The following CROT variants were observed in gnomAD, a reference collection of about 807,000 sequenced individuals.
The protein encoded by CROT is carnitine O-octanoyltransferase.
A neutral mutation model predicts 89.2 loss-of-function variants in CROT; 84 were observed. That is an observed-to-expected ratio of 0.94 (90% CI 0.79 to 1.13). The LOEUF is 1.13. CROT is among the 50% of genes most tolerant of loss of function. The probability of loss-of-function intolerance (pLI) is 0.00; values close to 1 mark genes in which losing one functional copy is unlikely to be tolerated. For synonymous variants in CROT, 212 were observed against 239.5 expected (o/e 0.89, Z 1.06); for missense variants, 711 against 727.8 (o/e 0.98, Z 0.27).
chr7:87,373,746 T>C (rs1168513441), intron 7 of CROT, among the ~76,000 whole-genome samples: 1 of 151,866 alleles, frequency 6.6e-6, no homozygotes, highest in East Asian at 1.9e-4. Context: ...GTAGACGAGA[T>C]TACCAAGGGA....
chr7:87,368,229 T>C (rs1415514505), intron 6 of CROT, among the ~76,000 whole-genome samples: 3 of 152,250 alleles, frequency 2.0e-5, no homozygotes, highest in African/African-American at 7.2e-5. Flanking sequence ...TTCAGTTTTC[T>C]GCTCAAATAT....
chr7:87,386,730 G>A (rs1320116637), intron 13 of CROT, among the ~76,000 whole-genome samples: 8 of 152,090 alleles, frequency 5.3e-5, no homozygotes, highest in Non-Finnish European at 1.0e-4. Context: ...CTCATGGAGC[G>A]TGCTTCCTAC....
At chr7:87,388,703 G>GACAT (rs1387068212) in intron 13 of CROT, among the ~76,000 whole-genome samples, 1 of 152,092 alleles carries the variant, frequency 6.6e-6, no homozygotes, top group African/African-American at 2.4e-5. Context: ...TATCATTCAG[G>GACAT]ACATAGGCAT....
Position 87,377,382 on chromosome 7 carries a change from G to A in CROT, c.910G>A (p.Val304Ile). The change falls in exon 10 of 18, where the codon GTA becomes ATA. Residue 304 changes from valine to isoleucine, a missense_variant. Transcript: ENST00000331536. ...IAAILIGDPT[V>I]RWGDKSYNLI... ...AGCCATCCTTATTGGAGATCCAACA[G>A]TACGCTGGGGTGACAAATCCTATAA... 3 of 1,610,830 alleles carry A rather than the reference G, an allele frequency of 1.9e-6. No homozygotes were observed. Among genetic ancestry groups the A allele is most frequent in the Non-Finnish European group, 2.5e-6 (3 of 1,177,630 alleles).
intron 3 of CROT, among the ~76,000 whole-genome samples, chr7:87,357,872 A>T (rs185957153): frequency 6.6e-6 from 1 of 152,222 alleles, no homozygotes; most frequent in Non-Finnish European, 1.5e-5. Flanking sequence ...GAAAACATAT[A>T]TTGTTATGGG....
intron 4 of CROT, among the ~76,000 whole-genome samples, chr7:87,360,949 T>C (rs1404706180): frequency 6.6e-6 from 1 of 152,186 alleles, no homozygotes; most frequent in Non-Finnish European, 1.5e-5. Flanking sequence ...TCTATGATGA[T>C]TTAAAACAAG....
intron 6 of CROT, among the ~76,000 whole-genome samples, chr7:87,367,376 T>C (rs1806482162): frequency 6.6e-6 from 1 of 152,166 alleles, no homozygotes; most frequent in Non-Finnish European, 1.5e-5. Context: ...ACCAATTTTC[T>C]TCTAGAGCCT....
chr7:87,368,927 T>A lies in CROT; in HGVS notation c.548-449T>A, dbSNP rs115887220. ...ACTGGCATACTGTATCCTTTTCTAC[T>A]GAAAATTATTTTATTGAGTTATCAT... is the stretch of plus-strand genomic sequence containing the variant. On this transcript the variant is annotated intron_variant, in intron 6 of 17. Transcript: ENST00000331536. Among the ~76,000 whole-genome samples the A allele has an allele frequency of 8.6e-3, 1,305 of 152,362 alleles. 20 individuals are homozygous for A. The highest frequency in any genetic ancestry group is 0.03 in the African/African-American group (1,236 of 41,590).
At chr7:87,352,182 A>G (rs1026791104) in intron 3 of CROT, among the ~76,000 whole-genome samples, 2 of 152,180 alleles carry the variant, frequency 1.3e-5, no homozygotes, top group Non-Finnish European at 2.9e-5. Context: ...AAGAGGGTCC[A>G]TTTTGTTGGG....
Position 87,387,148 on chromosome 7 carries a change from A to G in CROT, c.1302-4441A>G, listed in dbSNP as rs576852853. Among the ~76,000 whole-genome samples, 213 of 151,788 alleles carry G rather than the reference A, an allele frequency of 1.4e-3. 1 individual carries two copies. The highest frequency in any genetic ancestry group is 3.5e-3 in the African/African-American group (146 of 41,362). On this transcript the variant is annotated intron_variant, in intron 13 of 17. Transcript: ENST00000331536. ...CACAGCCTCCATTTTGGTTTCTGGGATACTCCTGAGGATAATTGGTACTAG... is the reference window on the plus strand; with the variant it reads ...CACAGCCTCCATTTTGGTTTCTGGGGTACTCCTGAGGATAATTGGTACTAG...
chr7:87,356,572 A>G (rs1194789507), intron 3 of CROT, among the ~76,000 whole-genome samples: 2 of 152,240 alleles, frequency 1.3e-5, no homozygotes, highest in Non-Finnish European at 2.9e-5. Flanking sequence ...GTTTAATTTC[A>G]TAGTTGCAGG....
In CROT at chr7:87,377,369, T is replaced by G. The variant is rs772852381; in HGVS notation, c.897T>G (p.Ile299Met). 3.7e-6 allele frequency: 6 copies of G among 1,606,208 alleles called. No homozygotes were observed. Among genetic ancestry groups the G allele is most frequent in the Non-Finnish European group, 5.1e-6 (6 of 1,174,058 alleles). The change falls in exon 10 of 18, where the codon ATT (isoleucine) becomes ATG (methionine). Residue 299 changes from isoleucine to methionine, a missense_variant. Ile to Met is a conservative substitution (Grantham distance 10, BLOSUM62 1). Transcript: ENST00000331536. ...DYSEIIAAIL[I>M]GDPTVRWGDK... is the part of the protein sequence containing the mutation. ...TTTAGATTATTGCAGCCATCCTTAT[T>G]GGAGATCCAACAGTACGCTGGGGTG...
At chr7:87,367,079 T>G (rs750472333) in intron 6 of CROT, among the ~76,000 whole-genome samples, 1 of 152,240 alleles carries the variant, frequency 6.6e-6, no homozygotes, top group Non-Finnish European at 1.5e-5. Flanking sequence ...AGATGTCTAC[T>G]TTCTAATCCC....
chr7:87,348,199 A>G (rs142424589), intron 2 of CROT, among the ~76,000 whole-genome samples: 28 of 151,718 alleles, frequency 1.8e-4, no homozygotes, highest in African/African-American at 6.5e-4. Flanking sequence ...CATTTAATAT[A>G]TTACATTATT....
At chr7:87,394,364 T>A (rs1807458618) in intron 17 of CROT, among the ~76,000 whole-genome samples, 1 of 152,182 alleles carries the variant, frequency 6.6e-6, no homozygotes, top group Non-Finnish European at 1.5e-5. Context: ...AGTACAGTAT[T>A]GTAAACATTG....
rs147770599 is a variant in CROT at position 87,367,992 on chromosome 7, C to T, written c.548-1384C>T. Among the ~76,000 whole-genome samples the T allele has an allele frequency of 3.2e-3, 483 of 152,302 alleles. 4 individuals are homozygous for T. The highest frequency in any genetic ancestry group is 3.4e-3 in the Middle Eastern group (1 of 294). ...CACATTATCACTCCCTTGCTTAAAA[C>T]CATCCATTGGTTTCCTTCCCATCAT... is the stretch of plus-strand genomic sequence containing the variant. On this transcript the variant is annotated intron_variant, in intron 6 of 17. Transcript: ENST00000331536.
intron 7 of CROT, among the ~76,000 whole-genome samples, chr7:87,370,208 G>A (rs930250923): frequency 9.2e-5 from 14 of 151,862 alleles, no homozygotes; most frequent in African/African-American, 3.1e-4. Flanking sequence ...TTTTGAGACA[G>A]AGTCTTGCTT....
rs545632179 is a variant in CROT at position 87,370,125 on chromosome 7, A to T, written c.656+641A>T. 8.5e-5 allele frequency among the ~76,000 whole-genome samples: 13 copies of T among 152,260 alleles called. No homozygotes were observed. The South Asian group carries it at 2.7e-3, about 32-fold the overall frequency. The stretch of plus-strand genomic sequence containing the variant: ...TATAGATATTTCAGTATACATCTCT[A>T]AAATAGAAGGACTCTTAAAATACAC... On this transcript the variant is annotated intron_variant, in intron 7 of 17. Coordinates refer to ENST00000331536, the MANE Select transcript of CROT (RefSeq NM_021151.4).
intron 10 of CROT, among the ~76,000 whole-genome samples, chr7:87,381,568 C>G (rs1377906990): frequency 6.6e-6 from 1 of 152,166 alleles, no homozygotes; most frequent in Non-Finnish European, 1.5e-5. Context: ...TCCAGAACAT[C>G]TTCGTGTTGC....
Sources: gnomAD v4.1 joint callset for allele counts (sites outside exome capture counted in the v4.1 genomes callset) on GRCh38, gnomAD v4.1.1 for gene constraint, MANE v1.5 for transcripts, NCBI Gene and HGNC (gene_info 2026-07-23, HGNC 2026-07-21) for gene names.